OR6C74: variants seen among roughly 807,000 people sequenced by gnomAD.
OR6C74 encodes the protein olfactory receptor 6C74.
For synonymous variants in OR6C74, 142 were observed against 134.2 expected (o/e 1.06, Z -0.40); for missense variants, 361 against 362.9 (o/e 0.99, Z 0.04).
chr12:55,244,982 A>G (rs1339600476), intron 1 of OR6C74, among the ~76,000 whole-genome samples, 165 bp downstream of exon 1: 1 of 152,152 alleles, frequency 6.6e-6, no homozygotes, highest in Non-Finnish European at 1.5e-5. Context: ...AAAAAAGACA[A>G]TTGGGAATGA....
rs116862381 is a variant in OR6C74, at chr12:55,247,053, G to A, written c.-9-226G>A. The A allele has an allele frequency of 6.3e-3, 2,506 of 399,746 alleles. 40 individuals carry two copies. Among genetic ancestry groups the A allele is most frequent in the African/African-American group, 0.029 (1,389 of 48,414 alleles). 24.8% of individuals were successfully genotyped at this position (399,746 alleles called of 1,614,324 possible). A position where few individuals can be genotyped will look rare whatever the true frequency, so the allele number is the denominator to read the frequency against. ...TATCGATGCAACATATTATCCCTTC[G>A]CAATGCTTACATTTATGGCCATTGA... On this transcript the variant is annotated intron_variant, in intron 1 of 1. Transcript: ENST00000343399.
chr12:55,251,725 G>C lies in OR6C74; in HGVS notation c.*3499G>C, dbSNP rs1466287559. The stretch of plus-strand genomic sequence containing the variant: ...TAATTCAATTGTATGATACAATAAA[G>C]TCCCATTGTATCATACATATCTCAA... On this transcript the variant is annotated 3_prime_UTR_variant, in exon 2 of 2. Transcript: ENST00000343399. Among the ~76,000 whole-genome samples, 1 of 151,716 alleles carries C rather than the reference G, an allele frequency of 6.6e-6. No homozygotes were observed. Among genetic ancestry groups the C allele is most frequent in the African/African-American group, 2.4e-5 (1 of 41,346 alleles).
rs1428846113 is a variant in OR6C74 at position 55,254,666 on chromosome 12, T to C, written c.*6440T>C. On this transcript the variant is annotated 3_prime_UTR_variant, in exon 2 of 2. Coordinates refer to ENST00000343399, the MANE Select transcript of OR6C74 (RefSeq NM_001005490.2). ...TTTTCTTTCTTTAAGATCCTCAATA[T>C]GGATCTTACCATGTTATAGCCTTAT... is the stretch of plus-strand genomic sequence containing the variant. 2.0e-5 allele frequency among the ~76,000 whole-genome samples: 3 copies of C among 149,506 alleles called. No individual in the cohort carries two copies. Among genetic ancestry groups the C allele is most frequent in the African/African-American group, 7.7e-5 (3 of 39,056 alleles).
In OR6C74 at chr12:55,247,567, G is replaced by A. The variant is rs1592244330; in HGVS notation, c.280G>A (p.Asp94Asn). The change falls in exon 2 of 2, where the codon GAT becomes AAT. Residue 94 changes from aspartate to asparagine, a missense_variant. By Grantham distance (23) the Asp-to-Asn change is conservative (BLOSUM62 1). Transcript: ENST00000343399. ...AGGTGATAAGACCATTTCTTACAAC[G>A]ATTGTGCAGCACAGCTGTTTTTCAC... Reference protein sequence around the residue: ...ATGDKTISYNDCAAQLFFTIL... With the variant: ...ATGDKTISYNNCAAQLFFTIL... 2 of 1,613,414 alleles carry A rather than the reference G, an allele frequency of 1.2e-6. No homozygotes were observed. Among genetic ancestry groups the A allele is most frequent in the Non-Finnish European group, 1.7e-6 (2 of 1,179,750 alleles).
chr12:55,244,727 T>TAG lies in OR6C74; in HGVS notation c.-97_-96dup, dbSNP rs57109992. Among the ~76,000 whole-genome samples the TAG allele has an allele frequency of 0.25, 37,363 of 151,872 alleles. 5,145 individuals carry two copies. Among genetic ancestry groups the TAG allele is most frequent in the Middle Eastern group, 0.38 (112 of 292 alleles). ...ATATATAGAAGAGATATGATAAACA[T>TAG]AGAGGTAGATATATGCTCCAAATTT... On this transcript the variant is annotated 5_prime_UTR_variant, in exon 1 of 2. The change creates a premature stop within an existing upstream ORF in the 5' untranslated region. Transcript: ENST00000343399.
In OR6C74 at chr12:55,244,670, C is replaced by A. The variant is rs561484589; in HGVS notation, c.-157C>A. ...AGCTAGAAACCTTCTCTTTGTTCTT[C>A]TTCTCTCTAGATTATATATACACAT... is the stretch of plus-strand genomic sequence containing the variant. On this transcript the variant is annotated 5_prime_UTR_variant, in exon 1 of 2. Transcript: ENST00000343399. Among the ~76,000 whole-genome samples, 1 of 152,032 alleles carries A rather than the reference C, an allele frequency of 6.6e-6. No individual in the cohort carries two copies. Among genetic ancestry groups the A allele is most frequent in the African/African-American group, 2.4e-5 (1 of 41,514 alleles).
Position 55,247,640 on chromosome 12 carries a change from A to G in OR6C74, c.353A>G (p.Tyr118Cys), listed in dbSNP as rs1427940463. The stretch of plus-strand genomic sequence containing the variant: ...TTTTTTCTTCTGGCTGCCATGTCCT[A>G]TGAGCGCTATGTGGCCATCTGCAAA... ...TEFFLLAAMSYERYVAICKPL... is the reference protein window; with the variant it reads ...TEFFLLAAMSCERYVAICKPL... Residue 118 changes from tyrosine (Y) to cysteine (C), a missense_variant, in exon 2 of 2, where the codon TAT (tyrosine) becomes TGT (cysteine). Coordinates refer to ENST00000343399, the MANE Select transcript of OR6C74 (RefSeq NM_001005490.2). 5 of 1,613,772 alleles carry G rather than the reference A, an allele frequency of 3.1e-6. No homozygotes were observed. Among genetic ancestry groups the G allele is most frequent in the African/African-American group, 1.3e-5 (1 of 74,880 alleles).
At chr12:55,244,932 T>C (rs919583263) in intron 1 of OR6C74, among the ~76,000 whole-genome samples, 115 bp downstream of exon 1, 15 of 152,048 alleles carry the variant, frequency 9.9e-5, no homozygotes, top group South Asian at 2.1e-4. Flanking sequence ...TATAAGAAGA[T>C]GCAATATTCA....
chr12:55,248,636 A>G lies in OR6C74; in HGVS notation c.*410A>G, dbSNP rs1013390371. Among the ~76,000 whole-genome samples, 2 of 152,206 alleles carry G rather than the reference A, an allele frequency of 1.3e-5. No homozygotes were observed. The highest frequency in any genetic ancestry group is 1.3e-4 in the Admixed American group (2 of 15,274). ...CTTAACGCGTGCATTATTGGTGGAT[A>G]CAAAAGTGAAATCTGCTTTCTTTCT... is the stretch of plus-strand genomic sequence containing the variant. On this transcript the variant is annotated 3_prime_UTR_variant, in exon 2 of 2. Transcript: ENST00000343399.
At chr12:55,247,084 C>T in intron 1 of OR6C74, 195 bp from the exon 2 acceptor site, 1 of 458,084 alleles carries the variant, frequency 2.2e-6, no homozygotes, top group Admixed American at 3.9e-5. Context: ...ATTGAGAAAA[C>T]AGAACAAACT....
In OR6C74 at chr12:55,256,069, T is replaced by C. The variant is rs1468354349; in HGVS notation, c.*7843T>C. On this transcript the variant is annotated 3_prime_UTR_variant, in exon 2 of 2. Transcript: ENST00000343399. ...TGTAAATACAAAATTGCATGCAGGA[T>C]TGTGTAAAGACAATGCCAGGTTGGA... Among the ~76,000 whole-genome samples the C allele has an allele frequency of 6.6e-6, 1 of 152,032 alleles. No individual in the cohort carries two copies.
rs187024630 is a variant in OR6C74 at position 55,249,568 on chromosome 12, A to T, written c.*1342A>T. ...GCTTTAAATATATATATATCTAAAT[A>T]AATATTAACAGGGCACTGAGAAGCT... On this transcript the variant is annotated 3_prime_UTR_variant, in exon 2 of 2. Transcript: ENST00000343399. 6.6e-6 allele frequency among the ~76,000 whole-genome samples: 1 copy of T among 152,210 alleles called. No individual in the cohort carries two copies. The highest frequency in any genetic ancestry group is 1.5e-5 in the Non-Finnish European group (1 of 67,990).
In OR6C74 at chr12:55,254,891, C is replaced by G. The variant is rs1448704566; in HGVS notation, c.*6665C>G. ...ATGATATTAACTAATTATAAATTAC[C>G]CTTCTTAAGGATCTATTTCATGCAA... On this transcript the variant is annotated 3_prime_UTR_variant, in exon 2 of 2. Coordinates refer to ENST00000343399, the MANE Select transcript of OR6C74 (RefSeq NM_001005490.2). Among the ~76,000 whole-genome samples, 1 of 152,008 alleles carries G rather than the reference C, an allele frequency of 6.6e-6. No homozygotes were observed. Among genetic ancestry groups the G allele is most frequent in the African/African-American group, 2.4e-5 (1 of 41,390 alleles).
rs760960458 is a variant in OR6C74, at chr12:55,248,158, A to G, written c.871A>G (p.Arg291Gly). 3 of 1,613,716 alleles carry G rather than the reference A, an allele frequency of 1.9e-6. No homozygotes were observed. Among genetic ancestry groups the G allele is most frequent in the Non-Finnish European group, 1.7e-6 (2 of 1,179,796 alleles). ...GTTGAATCCCTTTATTTATACACTG[A>G]GAAACAAACAAGTAAAAGATGTTTT... is the stretch of plus-strand genomic sequence containing the variant. The part of the protein sequence containing the change: ...PMLNPFIYTL[R>G]NKQVKDVFKH... Residue 291 changes from arginine (R) to glycine (G), a missense_variant, in exon 2 of 2, where the codon AGA becomes GGA. Transcript: ENST00000343399.
At chr12:55,245,615 T>G (rs57590358) in intron 1 of OR6C74, among the ~76,000 whole-genome samples, 37,450 of 152,034 alleles carry the variant, frequency 0.25, 5,174 homozygotes, top group Middle Eastern at 0.38. Context: ...TTTATTGTGG[T>G]ATTCAGTAGA....
rs755096666 is a variant in OR6C74 at position 55,248,001 on chromosome 12, A to G, written c.714A>G (p.Thr238=). The change falls in exon 2 of 2, where the codon ACA becomes ACG. Residue 238 remains threonine, a synonymous_variant. Coordinates refer to ENST00000343399, the MANE Select transcript of OR6C74 (RefSeq NM_001005490.2). ...AACAGAGAAAAAAAGCATTTTCTACATGTTCTTCCCACATGGTGGTCGTGT... is the reference window on the plus strand; with the variant it reads ...AACAGAGAAAAAAAGCATTTTCTACGTGTTCTTCCCACATGGTGGTCGTGT... The part of the protein sequence containing the change: ...SSQQRKKAFS[T]CSSHMVVVSI... 1.1e-5 allele frequency: 18 copies of G among 1,613,870 alleles called. No homozygotes were observed. The highest frequency in any genetic ancestry group is 9.9e-5 in the South Asian group (9 of 91,080).
At chr12:55,245,640 A>G (rs1368935495) in intron 1 of OR6C74, among the ~76,000 whole-genome samples, 1 of 152,096 alleles carries the variant, frequency 6.6e-6, no homozygotes, top group Non-Finnish European at 1.5e-5. Flanking sequence ...TAATGCTGTC[A>G]AGTAGGTTAT....
In OR6C74 at chr12:55,248,680, C is replaced by T. The variant is rs540088245; in HGVS notation, c.*454C>T. On this transcript the variant is annotated 3_prime_UTR_variant, in exon 2 of 2. Coordinates refer to ENST00000343399, the MANE Select transcript of OR6C74 (RefSeq NM_001005490.2). ...TCTTTCTTAGTGTTTAGTAGAATCT[C>T]GAAGCAAATCAATTTAATGGCATTT... Among the ~76,000 whole-genome samples the T allele has an allele frequency of 3.3e-5, 5 of 151,666 alleles. No individual in the cohort carries two copies. Among genetic ancestry groups the T allele is most frequent in the Admixed American group, 1.3e-4 (2 of 15,292 alleles).
rs769391271 is a variant in OR6C74, at chr12:55,248,132, T to C, written c.845T>C (p.Met282Thr). Residue 282 changes from methionine (M) to threonine (T), a missense_variant, in exon 2 of 2, where the codon ATG becomes ACG. Met to Thr is a moderately conservative substitution (Grantham distance 81, BLOSUM62 -1). Coordinates refer to ENST00000343399, the MANE Select transcript of OR6C74 (RefSeq NM_001005490.2). ...CTGCTCAGCACTTCTGTTGCCCCCA[T>C]GTTGAATCCCTTTATTTATACACTG... ...IALLSTSVAP[M>T]LNPFIYTLRN... The C allele has an allele frequency of 9.9e-6, 16 of 1,613,838 alleles. No homozygotes were observed. The highest frequency in any genetic ancestry group is 1.3e-5 in the African/African-American group (1 of 75,026).
Sources: gnomAD v4.1 joint callset for allele counts (sites outside exome capture counted in the v4.1 genomes callset) on GRCh38, gnomAD v4.1.1 for gene constraint, MANE v1.5 for transcripts, NCBI Gene and HGNC (gene_info 2026-07-23, HGNC 2026-07-21) for gene names.